TTC28: variants seen among roughly 807,000 people sequenced by gnomAD.
TTC28 encodes tetratricopeptide repeat protein 28.
Under a neutral mutation model 198.0 loss-of-function variants are expected in TTC28, and 61 were observed. The observed-to-expected ratio is 0.31, with a 90% CI of 0.25 to 0.38. The LOEUF (loss-of-function observed/expected upper bound fraction) is 0.38. Ranked by LOEUF, TTC28 falls within the 10% of genes least tolerant of loss-of-function variation. TTC28 has a pLI of 1.00. For missense variants in TTC28, 2,678 were observed against 3,164.0 expected (o/e 0.85, Z 3.69); for synonymous variants, 1,171 against 1,297.8 (o/e 0.90, Z 2.10).
intron 2 of TTC28, among the ~76,000 whole-genome samples, chr22:28,547,852 C>T (rs997193340): frequency 3.2e-4 from 48 of 151,172 alleles, no homozygotes; most frequent in African/African-American, 1.1e-3. Flanking sequence ...AAACCAGAGC[C>T]AACAGTTAAA....
intron 5 of TTC28, among the ~76,000 whole-genome samples, chr22:28,167,792 T>G (rs982757787): frequency 3.8e-4 from 58 of 152,118 alleles, no homozygotes; most frequent in African/African-American, 1.4e-3. Context: ...ACCACTCCTA[T>G]TCAACACAGT....
chr22:28,313,563 C>A (rs1167619941), intron 2 of TTC28, among the ~76,000 whole-genome samples: 1 of 152,138 alleles, frequency 6.6e-6, no homozygotes, highest in Admixed American at 6.6e-5. Context: ...TCAATATACG[C>A]AAATCAATAA....
At chr22:28,216,059 A>C (rs1015745083) in intron 5 of TTC28, among the ~76,000 whole-genome samples, 15 of 152,190 alleles carry the variant, frequency 9.9e-5, no homozygotes, top group African/African-American at 3.6e-4. Flanking sequence ...GGCATTTGAG[A>C]CACAATTGCC....
intron 13 of TTC28, among the ~76,000 whole-genome samples, chr22:28,024,228 G>A (rs1260313834): frequency 6.6e-6 from 1 of 152,166 alleles, no homozygotes; most frequent in Non-Finnish European, 1.5e-5. Flanking sequence ...AAAGCACCAG[G>A]AAGTTTTAGA....
At chr22:28,294,630 G>A (rs1021664938) in intron 5 of TTC28, among the ~76,000 whole-genome samples, 3 of 150,866 alleles carry the variant, frequency 2.0e-5, no homozygotes, top group African/African-American at 4.9e-5. Context: ...CTTCAGTGGC[G>A]CAATCTCAGC....
chr22:27,997,044 T>A (rs905919261), intron 16 of TTC28, among the ~76,000 whole-genome samples: 2 of 151,972 alleles, frequency 1.3e-5, no homozygotes, highest in African/African-American at 4.8e-5. Flanking sequence ...CTGCAGTAGG[T>A]TTTGTGGGAT....
chr22:28,517,884 A>T lies in TTC28; in HGVS notation c.381+111668T>A, dbSNP rs150460237. ...AACACATTCAAAGTGATTATTAAGC[A>T]ATTTTTCTCTTGTCCGAAGTTTTAA... is the stretch of plus-strand genomic sequence containing the variant. On this transcript the variant is annotated intron_variant, in intron 2 of 22. Coordinates refer to ENST00000397906, the MANE Select transcript of TTC28 (RefSeq NM_001145418.2). 1.8e-3 allele frequency among the ~76,000 whole-genome samples: 269 copies of T among 152,276 alleles called. 2 individuals carry two copies. The highest frequency in any genetic ancestry group is 0.014 in the Middle Eastern group (4 of 294).
intron 5 of TTC28, among the ~76,000 whole-genome samples, chr22:28,269,974 G>C (rs1037178039): frequency 6.6e-6 from 1 of 152,088 alleles, no homozygotes; most frequent in Non-Finnish European, 1.5e-5. Flanking sequence ...CAAAACAATG[G>C]GGACCACTGG....
At chr22:28,588,096 C>T (rs1316981062) in intron 2 of TTC28, among the ~76,000 whole-genome samples, 6 of 150,866 alleles carry the variant, frequency 4.0e-5, no homozygotes, top group Admixed American at 4.0e-4. Context: ...GAGCTGAGAT[C>T]GCACCACTGC....
intron 2 of TTC28, among the ~76,000 whole-genome samples, chr22:28,629,087 G>T (rs2146203985): frequency 6.6e-6 from 1 of 152,030 alleles, no homozygotes; most frequent in African/African-American, 2.4e-5. Flanking sequence ...CTATTCAAGG[G>T]AATACAGATA....
intron 12 of TTC28, among the ~76,000 whole-genome samples, chr22:28,068,863 G>A (rs1054365451): frequency 6.6e-6 from 1 of 152,120 alleles, no homozygotes; most frequent in Non-Finnish European, 1.5e-5. Flanking sequence ...ATTTCTCAAC[G>A]AGAAATCATT....
intron 5 of TTC28, among the ~76,000 whole-genome samples, chr22:28,258,053 A>G (rs972199471): frequency 1.3e-5 from 2 of 152,048 alleles, no homozygotes; most frequent in African/African-American, 2.4e-5. Context: ...CCTGTCTTCT[A>G]TCTTCATAGC....
intron 2 of TTC28, among the ~76,000 whole-genome samples, chr22:28,615,082 G>A (rs1011806851): frequency 2.0e-5 from 3 of 151,798 alleles, no homozygotes; most frequent in Non-Finnish European, 4.4e-5. Flanking sequence ...AATCTGCAAA[G>A]AACTTAAACA....
At chr22:28,271,899 G>C (rs1485476559) in intron 5 of TTC28, among the ~76,000 whole-genome samples, 1 of 152,094 alleles carries the variant, frequency 6.6e-6, no homozygotes, top group Non-Finnish European at 1.5e-5. Flanking sequence ...CACCGTGCCT[G>C]GCTGATCTGG....
chr22:28,543,531 AAGAG>A (rs1491254785), intron 2 of TTC28, among the ~76,000 whole-genome samples: 1 of 151,416 alleles, frequency 6.6e-6, no homozygotes, highest in African/African-American at 2.4e-5. Flanking sequence ...GAAAGAAAAG[AAGAG>A]AGAGAGAGAA....
At position 28,380,672 on chromosome 22, in the gene TTC28, A is replaced by T. The variant is rs190911608; in HGVS notation, c.382-74029T>A. The stretch of plus-strand genomic sequence containing the variant: ...TGTCCATTGACATGCAAATATTTCA[A>T]TCTGAAGAGGCAGTTTTATGGAACA... On this transcript the variant is annotated intron_variant, in intron 2 of 22. Transcript: ENST00000397906. 1.9e-3 allele frequency among the ~76,000 whole-genome samples: 285 copies of T among 152,294 alleles called. 1 individual carries two copies. Among genetic ancestry groups the T allele is most frequent in the Non-Finnish European group, 3.3e-3 (225 of 68,004 alleles).
chr22:28,657,071 A>G (rs1446430813), intron 1 of TTC28, among the ~76,000 whole-genome samples: 9 of 152,226 alleles, frequency 5.9e-5, no homozygotes, highest in African/African-American at 7.2e-5. Flanking sequence ...AATGCTCACA[A>G]CAAACCTGCG....
At chr22:28,229,302 G>T (rs931750846) in intron 5 of TTC28, among the ~76,000 whole-genome samples, 2 of 152,124 alleles carry the variant, frequency 1.3e-5, no homozygotes, top group African/African-American at 4.8e-5. Flanking sequence ...TTCTCCATTT[G>T]GCTTTAATAA....
chr22:28,197,896 T>C (rs570135290), intron 5 of TTC28, among the ~76,000 whole-genome samples: 2 of 152,176 alleles, frequency 1.3e-5, no homozygotes, highest in South Asian at 4.1e-4. Flanking sequence ...CCATCAAACA[T>C]ATGGAAAAAT....
Sources: allele counts gnomAD v4.1 joint callset (sites outside exome capture counted in the v4.1 genomes callset), GRCh38; gene constraint gnomAD v4.1.1; transcripts MANE v1.5; gene names NCBI Gene and HGNC (gene_info 2026-07-23, HGNC 2026-07-21).